DCDC1: variants seen among roughly 807,000 people sequenced by gnomAD.
DCDC1 encodes doublecortin domain-containing protein 1.
DCDC1 carries 200 observed loss-of-function variants against 178.3 expected under a neutral mutation model. That is an observed-to-expected ratio of 1.12 (90% confidence interval 1.00 to 1.26). The LOEUF is 1.26. Ranked by LOEUF, DCDC1 falls within the 50% of genes most tolerant of loss-of-function variation. The pLI, the probability that DCDC1 is intolerant of heterozygous loss-of-function variation, is 0.00. For missense variants in DCDC1, 1,983 were observed against 1,749.2 expected (o/e 1.13, Z -2.38); for synonymous variants, 690 against 604.8 (o/e 1.14, Z -2.07).
intron 38 of DCDC1, among the ~76,000 whole-genome samples, chr11:30,875,836 A>G (rs1942067166): frequency 6.6e-6 from 1 of 152,174 alleles, no homozygotes; most frequent in South Asian, 2.1e-4. Context: ...TGCATTTTGA[A>G]TCATTACTAA....
At chr11:31,140,239 A>G (rs1963649743) in intron 9 of DCDC1, among the ~76,000 whole-genome samples, 1 of 152,182 alleles carries the variant, frequency 6.6e-6, no homozygotes, top group South Asian at 2.1e-4. Flanking sequence ...AATGGGTTTG[A>G]TATTTCTGAG....
intron 17 of DCDC1, among the ~76,000 whole-genome samples, chr11:31,086,667 A>G (rs1481318003): frequency 6.6e-6 from 1 of 152,198 alleles, no homozygotes; most frequent in African/African-American, 2.4e-5. Context: ...TATCTAAGAT[A>G]CCTACAGTTT....
chr11:31,166,562 G>A (rs1966805962), intron 9 of DCDC1, among the ~76,000 whole-genome samples: 1 of 152,088 alleles, frequency 6.6e-6, no homozygotes. Flanking sequence ...ATAGGAGTTG[G>A]AGAGAAAAGA....
chr11:31,287,905 C>T (rs960435582), intron 7 of DCDC1, among the ~76,000 whole-genome samples: 10 of 147,760 alleles, frequency 6.8e-5, no homozygotes, highest in Non-Finnish European at 1.2e-4. Context: ...AAGAGGACAG[C>T]GTTTTTTTTT....
At chr11:31,140,710 C>CAG (rs960809148) in intron 9 of DCDC1, among the ~76,000 whole-genome samples, 10 of 151,732 alleles carry the variant, frequency 6.6e-5, no homozygotes, top group African/African-American at 2.4e-4. Flanking sequence ...GTTAGACAAA[C>CAG]AGAAGATAAA....
At chr11:31,188,004 T>G (rs781676366) in intron 9 of DCDC1, among the ~76,000 whole-genome samples, 17 of 152,166 alleles carry the variant, frequency 1.1e-4, no homozygotes, top group Non-Finnish European at 2.4e-4. Context: ...TTTTAATTTT[T>G]TTTCCTTTTT....
intron 20 of DCDC1, among the ~76,000 whole-genome samples, chr11:31,025,359 A>G (rs894656714): frequency 6.6e-6 from 1 of 151,822 alleles, no homozygotes; most frequent in Non-Finnish European, 1.5e-5. Context: ...TTTTTTCTAT[A>G]TGAAAACAAT....
chr11:31,091,923 T>C (rs1323819596), intron 16 of DCDC1, among the ~76,000 whole-genome samples: 2 of 152,204 alleles, frequency 1.3e-5, no homozygotes, highest in African/African-American at 2.4e-5. Context: ...TTTGTATCAA[T>C]TTAAAGTTTT....
chr11:31,027,144 C>T (rs1253187221), intron 20 of DCDC1, among the ~76,000 whole-genome samples: 7 of 151,760 alleles, frequency 4.6e-5, no homozygotes, highest in African/African-American at 9.7e-5. Flanking sequence ...GAGTCCTTTT[C>T]GTTTTACAAA....
intron 9 of DCDC1, among the ~76,000 whole-genome samples, chr11:31,168,690 C>T (rs541732737): frequency 2.0e-5 from 3 of 152,250 alleles, no homozygotes; most frequent in Admixed American, 1.3e-4. Context: ...AGCACTATAA[C>T]TTAGTGGAAT....
At position 31,166,787 on chromosome 11, in the gene DCDC1, G is replaced by T. The variant is rs572390513; in HGVS notation, c.1222-29003C>A. On this transcript the variant is annotated intron_variant, in intron 9 of 38. Coordinates refer to ENST00000684477, the MANE Select transcript of DCDC1 (RefSeq NM_001387274.1). The stretch of plus-strand genomic sequence containing the variant: ...CCCAACCATTTTTGCAAATAGAAGT[G>T]ACCAATAGCTATAAATGTGAACCAC... Among the ~76,000 whole-genome samples, 72 of 152,252 alleles carry T rather than the reference G, an allele frequency of 4.7e-4. No individual in the cohort carries two copies. In the South Asian group the frequency reaches 0.013, roughly 29 times the overall value.
chr11:31,156,014 T>G (rs1167337033), intron 9 of DCDC1: 1 of 152,198 alleles, frequency 6.6e-6, no homozygotes, highest in East Asian at 1.9e-4. Context: ...TAGCTCCTTC[T>G]CAAACTTGTC....
Position 31,084,771 on chromosome 11 carries a change from C to T in DCDC1, c.2237+6622G>A, listed in dbSNP as rs544764125. ...GTTTCATGAACATCTCTTTTCTTGC[C>T]CAAGCTTTCTCCTCTATAGGTAATA... On this transcript the variant is annotated intron_variant, in intron 17 of 38. Coordinates refer to ENST00000684477, the MANE Select transcript of DCDC1 (RefSeq NM_001387274.1). Among the ~76,000 whole-genome samples, 7 of 151,632 alleles carry T rather than the reference C, an allele frequency of 4.6e-5. No individual in the cohort carries two copies. In the East Asian group the frequency reaches 1.2e-3, roughly 25 times the overall value.
chr11:31,360,813 G>T (rs1951670485), intron 1 of DCDC1, among the ~76,000 whole-genome samples: 1 of 152,170 alleles, frequency 6.6e-6, no homozygotes, highest in Admixed American at 6.5e-5. Context: ...CATCAGAAAA[G>T]AGTTGAGGGG....
At chr11:31,205,287 A>T in intron 9 of DCDC1, among the ~76,000 whole-genome samples, 1 of 152,212 alleles carries the variant, frequency 6.6e-6, no homozygotes, top group East Asian at 1.9e-4. Context: ...AGTAGTTGAA[A>T]CAGAGGCTGT....
chr11:31,213,205 G>T (rs536664172), intron 9 of DCDC1, among the ~76,000 whole-genome samples: 2 of 138,226 alleles, frequency 1.4e-5, no homozygotes, highest in African/African-American at 5.5e-5. Context: ...TCCAAGAAAG[G>T]CATGTGGCTC....
chr11:30,929,933 T>C (rs1565088848), intron 22 of DCDC1, among the ~76,000 whole-genome samples: 1 of 152,028 alleles, frequency 6.6e-6, no homozygotes, highest in Non-Finnish European at 1.5e-5. Flanking sequence ...GCTTTGTAGA[T>C]GAAAGAACCA....
intron 20 of DCDC1, among the ~76,000 whole-genome samples, chr11:31,020,273 A>G (rs1391440031): frequency 6.6e-6 from 1 of 152,216 alleles, no homozygotes; most frequent in African/African-American, 2.4e-5. Flanking sequence ...AAAGCCAGAC[A>G]ACTTCACAGA....
intron 8 of DCDC1, among the ~76,000 whole-genome samples, chr11:31,245,982 G>A (rs1310193631): frequency 6.6e-6 from 1 of 151,784 alleles, no homozygotes; most frequent in African/African-American, 2.4e-5. Flanking sequence ...AAACCACAAA[G>A]CTAATCAAAT....
Sources: allele counts gnomAD v4.1 joint callset (sites outside exome capture counted in the v4.1 genomes callset), GRCh38; gene constraint gnomAD v4.1.1; transcripts MANE v1.5; gene names NCBI Gene and HGNC (gene_info 2026-07-23, HGNC 2026-07-21).